The following ATF1 variants were observed in gnomAD, a reference collection of about 807,000 sequenced individuals.
ATF1 encodes activating transcription factor 1.
A neutral mutation model predicts 34.7 loss-of-function variants in ATF1; 16 were observed. The observed-to-expected ratio is 0.46, with a 90% CI of 0.31 to 0.70. The LOEUF (loss-of-function observed/expected upper bound fraction) is 0.70, where lower values mean the gene tolerates loss of function less well. ATF1 is among the 30% of genes least tolerant of loss of function. The pLI, the probability that ATF1 is intolerant of heterozygous loss-of-function variation, is 0.05. For missense variants in ATF1, 255 were observed against 321.6 expected, an observed-to-expected ratio of 0.79 and a Z score of 1.58; for synonymous variants, 105 against 113.1, an observed-to-expected ratio of 0.93 and a Z score of 0.46.
chr12:50,787,425 A>G (rs1679313793), intron 2 of ATF1, among the ~76,000 whole-genome samples: 1 of 152,144 alleles, frequency 6.6e-6, no homozygotes, highest in African/African-American at 2.4e-5. Flanking sequence ...ACTATATGAA[A>G]AAGTCAAATG....
At position 50,819,772 on chromosome 12, in the gene ATF1, GTGTT is replaced by G. The variant is rs1231701150; in HGVS notation, c.812_815del (p.Val271AspfsTer3). 6.5e-7 allele frequency: 1 copy of G among 1,538,112 alleles called. No homozygotes were observed. The highest frequency in any genetic ancestry group is 8.8e-7 in the Non-Finnish European group (1 of 1,131,828). ...TTGAAGGATCTTTATTCCAATAAAA[GTGTT>G]TGATTCCTAAGAAAGAAAATATTTT... On this transcript the variant is annotated frameshift_variant, in exon 7 of 7. Coordinates refer to ENST00000262053, the MANE Select transcript of ATF1 (RefSeq NM_005171.5). LOFTEE classifies it high-confidence loss of function.
rs995525226 is a variant in ATF1, at chr12:50,819,555, C to T, written c.672-80C>T. 2.0e-5 allele frequency: 30 copies of T among 1,501,122 alleles called. No homozygotes were observed. In the Admixed American group the frequency reaches 2.1e-4, roughly 11 times the overall value. 93.0% of individuals were successfully genotyped at this position (1,501,122 alleles called of 1,614,324 possible). On this transcript the variant is annotated intron_variant, in intron 6 of 6. Transcript: ENST00000262053. ...CTTTAAAGAGAAAAAAAGGTGACCA[C>T]GGAAAATTACTGAAGAACATTTACC...
At chr12:50,811,206 A>G (rs1941729786) in intron 4 of ATF1, among the ~76,000 whole-genome samples, 1 of 152,172 alleles carries the variant, frequency 6.6e-6, no homozygotes, top group African/African-American at 2.4e-5. Context: ...CTCTCTTCAA[A>G]TATGTGGCTC....
intron 4 of ATF1, among the ~76,000 whole-genome samples, chr12:50,810,595 A>G (rs1022902673): frequency 2.6e-5 from 4 of 152,200 alleles, no homozygotes; most frequent in African/African-American, 9.7e-5. Flanking sequence ...GTTTAAGTCT[A>G]TGAGTTTTGA....
intron 1 of ATF1, among the ~76,000 whole-genome samples, chr12:50,767,787 G>A (rs2139632684): frequency 6.6e-6 from 1 of 151,968 alleles, no homozygotes. Context: ...GCCCTTATAA[G>A]CTCAAAATTA....
chr12:50,806,355 G>A, intron 3 of ATF1: 1 of 502,046 alleles, frequency 2.0e-6, no homozygotes, highest in South Asian at 1.5e-5. Context: ...ATTGACACCA[G>A]ATGGGCTTGT....
chr12:50,809,925 C>A (rs998763223), intron 4 of ATF1, among the ~76,000 whole-genome samples: 6 of 152,196 alleles, frequency 3.9e-5, no homozygotes, highest in Admixed American at 1.3e-4. Context: ...CCTCTGCCTT[C>A]CCGATTCAAG....
intron 1 of ATF1, among the ~76,000 whole-genome samples, chr12:50,775,205 A>C (rs922103443): frequency 1.3e-5 from 2 of 151,374 alleles, no homozygotes; most frequent in Admixed American, 1.3e-4. Flanking sequence ...TCAACCTCCT[A>C]AGTAGCTGGA....
At chr12:50,766,401 C>G (rs941074865) in intron 1 of ATF1, among the ~76,000 whole-genome samples, 1 of 152,138 alleles carries the variant, frequency 6.6e-6, no homozygotes, top group Admixed American at 6.5e-5. Flanking sequence ...AACTGCTGTT[C>G]TCTTTGGATT....
At chr12:50,769,278 A>G (rs1445553596) in intron 1 of ATF1, among the ~76,000 whole-genome samples, 1 of 152,102 alleles carries the variant, frequency 6.6e-6, no homozygotes, top group Non-Finnish European at 1.5e-5. Context: ...GTCGAGGCAG[A>G]TGGATCACCT....
chr12:50,788,172 T>C, intron 2 of ATF1: 1 of 448,266 alleles, frequency 2.2e-6, no homozygotes, highest in South Asian at 1.6e-5. Flanking sequence ...AAAAATTAAC[T>C]ATTTTATAGC....
In ATF1 at chr12:50,796,014, G is replaced by C. The variant is rs372011113; in HGVS notation, c.194+5G>C. 6.3e-7 allele frequency: 1 copy of C among 1,593,072 alleles called. No individual in the cohort carries two copies. Among genetic ancestry groups the C allele is most frequent in the East Asian group, 2.2e-5 (1 of 44,798 alleles). The stretch of plus-strand genomic sequence containing the variant: ...AGCACGGCGCCCATCTTACAGGTGA[G>C]TACTCTCTTGTATGAAGCCCTGCAT... On this transcript the variant is annotated splice_donor_5th_base_variant and intron_variant, in intron 3 of 6. Transcript: ENST00000262053.
intron 1 of ATF1, among the ~76,000 whole-genome samples, chr12:50,767,819 G>C (rs1299647139): frequency 1.3e-5 from 2 of 151,712 alleles, no homozygotes; most frequent in African/African-American, 4.8e-5. Context: ...CTCCTTCTGG[G>C]AAGGTCAACA....
intron 1 of ATF1, among the ~76,000 whole-genome samples, chr12:50,772,514 C>T (rs1468936183): frequency 1.3e-5 from 2 of 151,858 alleles, no homozygotes; most frequent in Non-Finnish European, 1.5e-5. Flanking sequence ...TTAGTAGAGA[C>T]CGAGTTTCAC....
chr12:50,804,312 C>T (rs932753429), intron 3 of ATF1, among the ~76,000 whole-genome samples: 1 of 152,134 alleles, frequency 6.6e-6, no homozygotes, highest in Non-Finnish European at 1.5e-5. Flanking sequence ...AAGGACATTA[C>T]ATAATGATAA....
intron 6 of ATF1, among the ~76,000 whole-genome samples, chr12:50,818,431 A>G (rs535141126): frequency 1.3e-5 from 2 of 152,228 alleles, no homozygotes; most frequent in Non-Finnish European, 2.9e-5. Flanking sequence ...GAAAAAAGAA[A>G]AAGAATGTTT....
chr12:50,774,897 G>A (rs771713245), intron 1 of ATF1, among the ~76,000 whole-genome samples: 11 of 151,436 alleles, frequency 7.3e-5, no homozygotes, highest in African/African-American at 9.7e-5. Context: ...ACAGGCGCCC[G>A]CCACCACGCC....
intron 3 of ATF1, among the ~76,000 whole-genome samples, chr12:50,803,358 C>T (rs879556383): frequency 6.6e-6 from 1 of 151,652 alleles, no homozygotes; most frequent in Non-Finnish European, 1.5e-5. Context: ...CAACATTTAT[C>T]GTTAAGGGAA....
At chr12:50,790,079 A>G (rs1437663168) in intron 2 of ATF1, among the ~76,000 whole-genome samples, 2 of 152,070 alleles carry the variant, frequency 1.3e-5, no homozygotes, top group Non-Finnish European at 2.9e-5. Flanking sequence ...TAATCCTATC[A>G]TACGCTCTCT....
Sources: gnomAD v4.1 joint callset for allele counts (sites outside exome capture counted in the v4.1 genomes callset) on GRCh38, gnomAD v4.1.1 for gene constraint, MANE v1.5 for transcripts, NCBI Gene and HGNC (gene_info 2026-07-23, HGNC 2026-07-21) for gene names.